ANK2: variants seen among roughly 807,000 people sequenced by gnomAD.
ANK2 encodes ankyrin-2.
A neutral mutation model predicts 360.5 loss-of-function variants in ANK2; 83 were observed. The ratio of observed to expected loss-of-function variants is 0.23; its 90% confidence interval spans 0.19 to 0.28. ANK2 has a LOEUF of 0.28. Among genes scored for constraint, ANK2 ranks in the 10% least tolerant of loss-of-function variants. ANK2 has a pLI of 1.00. For missense variants in ANK2, 4,201 were observed against 4,795.7 expected (o/e 0.88, Z 3.66); for synonymous variants, 1,740 against 1,759.5 (o/e 0.99, Z 0.28).
chr4:113,250,555 A>G (rs2045602395), intron 10 of ANK2, among the ~76,000 whole-genome samples: 2 of 152,164 alleles, frequency 1.3e-5, no homozygotes, highest in African/African-American at 2.4e-5. Context: ...TGTATTTTAA[A>G]TGCTTTTATT....
At position 113,288,502 on chromosome 4, in the gene ANK2, T is replaced by C; in HGVS notation, c.2277+16T>C. 6.2e-7 allele frequency: 1 copy of C among 1,600,918 alleles called. No homozygotes were observed. Among genetic ancestry groups the C allele is most frequent in the Non-Finnish European group, 8.6e-7 (1 of 1,168,282 alleles). ...AAAAACCAAGGTAAAGTACTTGTGG[T>C]CATTTTCAATTCCTATAAGCAAAAA... On this transcript the variant is annotated intron_variant, in intron 20 of 45. Coordinates refer to ENST00000357077, the MANE Select transcript of ANK2 (RefSeq NM_001148.6).
intron 4 of ANK2, 37 bp downstream of exon 4, chr4:113,199,146 T>A (rs2153406304): frequency 6.7e-7 from 1 of 1,487,488 alleles, no homozygotes; most frequent in Non-Finnish European, 9.4e-7. Context: ...TACATACATT[T>A]AAATTAGAAC....
At chr4:113,262,822 T>A (rs1221997953) in intron 13 of ANK2, among the ~76,000 whole-genome samples, 1 of 151,808 alleles carries the variant, frequency 6.6e-6, no homozygotes, top group Admixed American at 6.6e-5. Flanking sequence ...CATCCATGTA[T>A]TTTGGTATTG....
At chr4:112,705,809 G>A in the ANK2 span, among the ~76,000 whole-genome samples, 2 of 152,226 alleles carry the variant, frequency 1.3e-5, no homozygotes, top group South Asian at 4.1e-4. Flanking sequence ...GAATAAGCCC[G>A]GCAGCTCGCA....
In ANK2 at chr4:113,242,241, A is replaced by G. The variant is rs200597389; in HGVS notation, c.891+32A>G. The G allele has an allele frequency of 2.7e-5, 42 of 1,583,244 alleles. No homozygotes were observed. In the Admixed American group the frequency reaches 7.0e-4, roughly 26 times the overall value. On this transcript the variant is annotated intron_variant, in intron 9 of 45. Transcript: ENST00000357077. ...GTCTCTGTTCTTTCAATTTTCTACCATTATTATTTCTTTCAAGCCTCATAG... is the reference window on the plus strand; with the variant it reads ...GTCTCTGTTCTTTCAATTTTCTACCGTTATTATTTCTTTCAAGCCTCATAG...
intron 14 of ANK2, among the ~76,000 whole-genome samples, chr4:113,272,052 C>G (rs2058733789): frequency 6.6e-6 from 1 of 152,220 alleles, no homozygotes. Flanking sequence ...GGCTTAAACT[C>G]ACTTGAAACT....
Position 113,369,790 on chromosome 4 carries a change from T to C in ANK2, c.11595T>C (p.Asp3865=), listed in dbSNP as rs774634789. The C allele has an allele frequency of 1.2e-6, 2 of 1,614,112 alleles. No individual in the cohort carries two copies. The highest frequency in any genetic ancestry group is 1.7e-6 in the Non-Finnish European group (2 of 1,180,002). Residue 3865 remains aspartate (D), a synonymous_variant, in exon 43 of 46, where the codon GAT becomes GAC. Coordinates refer to ENST00000357077, the MANE Select transcript of ANK2 (RefSeq NM_001148.6). The stretch of plus-strand genomic sequence containing the variant: ...AGACCTGTGAAAGACTCGATGAAGA[T>C]GCAGCTTTTGAAAAGGTAAGACATT... The part of the protein sequence containing the change: ...QPETCERLDE[D]AAFEKGDDMP...
At chr4:113,051,949 G>A (rs546543203) in intron 1 of ANK2, among the ~76,000 whole-genome samples, 11 of 152,272 alleles carry the variant, frequency 7.2e-5, no homozygotes, top group African/African-American at 2.6e-4. Flanking sequence ...AGCCTTTTAA[G>A]AGAAAAATCT....
rs2095723631 is a variant in ANK2, at chr4:113,127,411, T to A, written c.85-47005T>A. 2.0e-5 allele frequency among the ~76,000 whole-genome samples: 3 copies of A among 152,148 alleles called. No individual in the cohort carries two copies. In the South Asian group the frequency reaches 6.2e-4, roughly 32 times the overall value. On this transcript the variant is annotated intron_variant, in intron 1 of 45. Transcript: ENST00000357077. ...TTTAAGGTCAATGGCAATGGAAAAA[T>A]TAGAGTACAGAGCTAGATTAGGTAT...
At chr4:113,054,612 G>A (rs1208819752) in intron 1 of ANK2, among the ~76,000 whole-genome samples, 1 of 152,112 alleles carries the variant, frequency 6.6e-6, no homozygotes, top group Non-Finnish European at 1.5e-5. Flanking sequence ...AGGCTTCCAT[G>A]TATAATTTAT....
chr4:113,293,368 G>A (rs60004829), intron 21 of ANK2, 72 bp from the exon 22 acceptor site: 9 of 1,283,764 alleles, frequency 7.0e-6, no homozygotes, highest in Admixed American at 3.6e-5. Flanking sequence ...GCAGAGCAGC[G>A]GGTGAGCTCA....
intron 4 of ANK2, among the ~76,000 whole-genome samples, chr4:113,225,045 A>C (rs1187964251): frequency 6.6e-6 from 1 of 152,120 alleles, no homozygotes; most frequent in Non-Finnish European, 1.5e-5. Context: ...GTCTGCAGCA[A>C]AGACACTCAT....
chr4:113,201,781 C>T (rs1044600943), intron 4 of ANK2, among the ~76,000 whole-genome samples: 4 of 152,152 alleles, frequency 2.6e-5, no homozygotes, highest in African/African-American at 7.2e-5. Context: ...AGGCTTCTCA[C>T]GGAGAACAAG....
chr4:112,782,522 T>C, the ANK2 span, among the ~76,000 whole-genome samples: 3 of 152,168 alleles, frequency 2.0e-5, no homozygotes, highest in Non-Finnish European at 4.4e-5. Context: ...TGATCCTTAG[T>C]ATACCCCTGT....
At chr4:113,075,608 G>A (rs2079600802) in intron 1 of ANK2, among the ~76,000 whole-genome samples, 2 of 152,054 alleles carry the variant, frequency 1.3e-5, no homozygotes, top group Admixed American at 1.3e-4. Context: ...GGAAACTTGA[G>A]GCACACAGGA....
chr4:113,157,866 C>T (rs888407916), intron 1 of ANK2, among the ~76,000 whole-genome samples: 2 of 152,156 alleles, frequency 1.3e-5, no homozygotes, highest in African/African-American at 4.8e-5. Context: ...AATCATTTAA[C>T]CTTATGAGAC....
chr4:112,807,976 AAC>A, the ANK2 span, among the ~76,000 whole-genome samples: 1 of 152,268 alleles, frequency 6.6e-6, no homozygotes, highest in Non-Finnish European at 1.5e-5. Context: ...GGATTTATAT[AAC>A]CATTTATGTA....
chr4:112,925,539 G>C (rs925595627), intron 2 of ANK2, among the ~76,000 whole-genome samples: 3 of 152,082 alleles, frequency 2.0e-5, no homozygotes, highest in African/African-American at 7.2e-5. Flanking sequence ...AAAAATAATA[G>C]CTTCAATCTG....
At chr4:113,155,534 G>A (rs1394919642) in intron 1 of ANK2, among the ~76,000 whole-genome samples, 1 of 151,910 alleles carries the variant, frequency 6.6e-6, no homozygotes, top group East Asian at 1.9e-4. Context: ...TGTTACTTAT[G>A]ACCCACACTA....
Sources: gnomAD v4.1 joint callset for allele counts (sites outside exome capture counted in the v4.1 genomes callset) on GRCh38, gnomAD v4.1.1 for gene constraint, MANE v1.5 for transcripts, NCBI Gene and HGNC (gene_info 2026-07-23, HGNC 2026-07-21) for gene names.